VPS33B: variants seen among roughly 807,000 people sequenced by gnomAD.
VPS33B encodes the protein vacuolar protein sorting-associated protein 33B.
VPS33B carries 80 observed loss-of-function variants against 95.3 expected under a neutral mutation model. The observed-to-expected ratio is 0.84, with a 90% CI of 0.70 to 1.01. The LOEUF is 1.01. Ranked by LOEUF, VPS33B falls within the 50% of genes least tolerant of loss-of-function variation. VPS33B has a pLI of 0.00. For synonymous variants in VPS33B, 280 were observed against 280.4 expected (o/e 1.00, Z 0.01); for missense variants, 715 against 773.4 (o/e 0.92, Z 0.90).
intron 16 of VPS33B, among the ~76,000 whole-genome samples, chr15:91,003,952 A>G (rs1438666091): frequency 6.6e-6 from 1 of 152,186 alleles, no homozygotes; most frequent in Non-Finnish European, 1.5e-5. Context: ...GGCCGGGCAC[A>G]GTAGCTCACT....
Position 91,007,489 on chromosome 15 carries a change from C to T in VPS33B, c.583G>A (p.Gly195Arg). The change falls in exon 8 of 23, where the codon GGA (glycine) becomes AGA (arginine). Residue 195 changes from glycine to arginine, a missense_variant. Physicochemically the swap from Gly to Arg is moderately radical, Grantham distance 125. Transcript: ENST00000333371. This position sits in a 1 kb window ranked among gnomAD's most constrained non-coding sequence, Gnocchi z 5.3. ...TLYGPFPNCY[G>R]IGRCAKMAYE... is the part of the protein sequence containing the mutation. ...CTTACCTTGGCGCACCTGCCAATTCCATAGCAGTTTGGAAAGGGTCCATAG... is the reference window on the plus strand; with the variant it reads ...CTTACCTTGGCGCACCTGCCAATTCTATAGCAGTTTGGAAAGGGTCCATAG... 4 of 1,614,212 alleles carry T rather than the reference C, an allele frequency of 2.5e-6. No homozygotes were observed. Among genetic ancestry groups the T allele is most frequent in the Non-Finnish European group, 3.4e-6 (4 of 1,180,040 alleles).
chr15:91,000,050 A>G lies in VPS33B; in HGVS notation c.1582-75T>C. The G allele has an allele frequency of 4.4e-6, 7 of 1,575,464 alleles. No homozygotes were observed. In the East Asian group the frequency reaches 1.6e-4, roughly 36 times the overall value. On this transcript the variant is annotated intron_variant, in intron 20 of 22. Transcript: ENST00000333371. This position sits in a 1 kb window ranked among gnomAD's most constrained non-coding sequence, Gnocchi z 4.9. ...AGGAAAGGAAGGGCACAGCAGCCAGACTGTCACATTTCTTGCTCATTACTC... is the reference window on the plus strand; with the variant it reads ...AGGAAAGGAAGGGCACAGCAGCCAGGCTGTCACATTTCTTGCTCATTACTC...
intron 5 of VPS33B, among the ~76,000 whole-genome samples, chr15:91,012,367 C>T (rs1293866938): frequency 6.6e-6 from 1 of 152,146 alleles, no homozygotes; most frequent in African/African-American, 2.4e-5. Flanking sequence ...TTTCTTATTT[C>T]AACAGAGACT....
chr15:91,020,806 G>A (rs999856115), intron 1 of VPS33B, among the ~76,000 whole-genome samples: 2 of 152,150 alleles, frequency 1.3e-5, no homozygotes, highest in African/African-American at 4.8e-5. Context: ...GCCTGAACCC[G>A]GGAGGTGGAG....
chr15:91,002,799 T>G lies in VPS33B; in HGVS notation c.1272+286A>C, dbSNP rs1048313302. Among the ~76,000 whole-genome samples, 1 of 151,964 alleles carries G rather than the reference T, an allele frequency of 6.6e-6. No individual in the cohort carries two copies. The highest frequency in any genetic ancestry group is 6.6e-5 in the Admixed American group (1 of 15,238). ...GCTGAATCAATGCCTCACACGGTGC[T>G]AAAATGAGGGAGACTCCCAGGAGAA... On this transcript the variant is annotated intron_variant, in intron 17 of 22. Transcript: ENST00000333371. This position sits in a 1 kb window ranked among gnomAD's most constrained non-coding sequence, Gnocchi z 4.7.
chr15:91,022,313 C>G lies in VPS33B; in HGVS notation c.-64G>C. 1 of 1,477,090 alleles carries G rather than the reference C, an allele frequency of 6.8e-7. No individual in the cohort carries two copies. The highest frequency in any genetic ancestry group is 9.1e-7 in the Non-Finnish European group (1 of 1,100,440). The allele number at this position is 1,477,090 out of a possible 1,614,324, so 91.5% of individuals were successfully genotyped here. On this transcript the variant is annotated 5_prime_UTR_variant, in exon 1 of 23. Coordinates refer to ENST00000333371, the MANE Select transcript of VPS33B (RefSeq NM_018668.5). ...TTCGTTCTGAGAAGGCCGGCCGCAG[C>G]CCAGGGAAGCGCAAGGGGGGCTATC...
At chr15:91,017,367 A>AAT (rs1159663715) in intron 2 of VPS33B, among the ~76,000 whole-genome samples, 266 of 15,742 alleles carry the variant, frequency 0.017, 6 homozygotes, top group Non-Finnish European at 0.026. Flanking sequence ...TACAAAATTA[A>AAT]ATATATATAT....
In VPS33B at chr15:91,014,408, T is replaced by C. The variant is rs1430792049; in HGVS notation, c.265A>G (p.Ile89Val). ...CTGGCAATGTATCGCATATTCTTGA[T>C]GCGGGGTCTGACCAAGAAGCACAAT... ...EQLCFLVRPR[I>V]KNMRYIASLV... Residue 89 changes from isoleucine (I) to valine (V), a missense_variant, in exon 4 of 23, where the codon ATC becomes GTC. Ile to Val is a conservative substitution (Grantham distance 29). Transcript: ENST00000333371. 1 of 1,613,766 alleles carries C rather than the reference T, an allele frequency of 6.2e-7. No individual in the cohort carries two copies. The highest frequency in any genetic ancestry group is 1.3e-5 in the African/African-American group (1 of 74,784).
chr15:91,003,149 A>T lies in VPS33B; in HGVS notation c.1226-18T>A. 1 of 1,614,136 alleles carries T rather than the reference A, an allele frequency of 6.2e-7. No homozygotes were observed. The highest frequency in any genetic ancestry group is 8.5e-7 in the Non-Finnish European group (1 of 1,179,970). ...GATCAAACCTAAGAGTGAAGAAAAT[A>T]AGACAGGTGCATGAGAAAGAGGCCG... On this transcript the variant is annotated intron_variant, in intron 16 of 22. Transcript: ENST00000333371.
At chr15:91,019,136 T>C (rs1397032971) in intron 1 of VPS33B, among the ~76,000 whole-genome samples, 1 of 90,782 alleles carries the variant, frequency 1.1e-5, no homozygotes, top group Admixed American at 1.3e-4. Flanking sequence ...TTTTTTTTTT[T>C]TTTAAAGATA....
chr15:91,005,881 A>G lies in VPS33B; in HGVS notation c.939+92T>C. ...ATCCATCCATGAGAAAGGACAGGGA[A>G]CCTGTCATAGTATTAGAAGGGGAGC... On this transcript the variant is annotated intron_variant, in intron 12 of 22. Coordinates refer to ENST00000333371, the MANE Select transcript of VPS33B (RefSeq NM_018668.5). The surrounding 1 kb of genome is among the most constrained non-coding windows in gnomAD (Gnocchi z 6.4). The G allele has an allele frequency of 1.9e-6, 3 of 1,597,890 alleles. No individual in the cohort carries two copies. Among genetic ancestry groups the G allele is most frequent in the East Asian group, 4.5e-5 (2 of 44,770 alleles).
chr15:91,007,836 C>G lies in VPS33B; in HGVS notation c.498+34G>C, dbSNP rs752391123. 3.8e-6 allele frequency: 6 copies of G among 1,598,618 alleles called. No homozygotes were observed. Among genetic ancestry groups the G allele is most frequent in the Non-Finnish European group, 5.1e-6 (6 of 1,166,088 alleles). On this transcript the variant is annotated intron_variant, in intron 7 of 22. Coordinates refer to ENST00000333371, the MANE Select transcript of VPS33B (RefSeq NM_018668.5). The surrounding 1 kb of genome is among the most constrained non-coding windows in gnomAD (Gnocchi z 5.3). ...CTGCATCCCACATTTGTCCCCATCC[C>G]CTGATGCCAAGACACAAGGGCCTCT...
chr15:91,000,593 T>C lies in VPS33B; in HGVS notation c.1480-2A>G. On this transcript the variant is annotated splice_acceptor_variant, in intron 19 of 22. Transcript: ENST00000333371. LOFTEE classifies it high-confidence loss of function. The surrounding 1 kb of genome is among the most constrained non-coding windows in gnomAD (Gnocchi z 4.9). ...ATACTCGCCGTCCACACGTGGGATC[T>C]GTAAGACAAAGGGACTTCATTAGGC... 6.2e-7 allele frequency: 1 copy of C among 1,611,918 alleles called. No homozygotes were observed. Among genetic ancestry groups the C allele is most frequent in the South Asian group, 1.1e-5 (1 of 91,056 alleles).
rs765330198 is a variant in VPS33B, at chr15:91,000,476, T to C, written c.1581+14A>G. The C allele has an allele frequency of 6.9e-6, 11 of 1,603,500 alleles. No homozygotes were observed. The highest frequency in any genetic ancestry group is 8.5e-6 in the Non-Finnish European group (10 of 1,171,782). ...AATGAAATATGAATGGGAGCAAGAA[T>C]TACATGCTCTCACCTGCTCAATGAT... is the stretch of plus-strand genomic sequence containing the variant. On this transcript the variant is annotated intron_variant, in intron 20 of 22. Transcript: ENST00000333371. This position sits in a 1 kb window ranked among gnomAD's most constrained non-coding sequence, Gnocchi z 4.9.
In VPS33B at chr15:91,005,866, G is replaced by A. The variant is rs2040587885; in HGVS notation, c.940-82C>T. 15 of 1,607,432 alleles carry A rather than the reference G, an allele frequency of 9.3e-6. No individual in the cohort carries two copies. The East Asian group carries it at 3.3e-4, about 36-fold the overall frequency. Reference sequence around the variant, plus strand: ...CCTCCCTCAGTTGCCATCCATCCATGAGAAAGGACAGGGAACCTGTCATAG... The same window carrying A: ...CCTCCCTCAGTTGCCATCCATCCATAAGAAAGGACAGGGAACCTGTCATAG... On this transcript the variant is annotated intron_variant, in intron 12 of 22. Transcript: ENST00000333371. The surrounding 1 kb of genome is among the most constrained non-coding windows in gnomAD (Gnocchi z 6.4).
Position 91,011,530 on chromosome 15 carries a change from CAAAGA to C in VPS33B, c.358-1689_358-1685del, listed in dbSNP as rs1364974931. ...ATCTTCATAATTAACAAAGGAGTCTCAAAGAAGAGAGAGAGATGCCTCCTAATATA... is the reference window on the plus strand; with the variant it reads ...ATCTTCATAATTAACAAAGGAGTCTCAGAGAGAGAGATGCCTCCTAATATA... On this transcript the variant is annotated intron_variant, in intron 5 of 22. Transcript: ENST00000333371. This position sits in a 1 kb window ranked among gnomAD's most constrained non-coding sequence, Gnocchi z 5.5. Among the ~76,000 whole-genome samples the C allele has an allele frequency of 6.6e-6, 1 of 152,116 alleles. No homozygotes were observed. Among genetic ancestry groups the C allele is most frequent in the Non-Finnish European group, 1.5e-5 (1 of 68,028 alleles).
chr15:91,012,810 T>G (rs1349158447), intron 5 of VPS33B, among the ~76,000 whole-genome samples: 1 of 152,180 alleles, frequency 6.6e-6, no homozygotes, highest in African/African-American at 2.4e-5. Context: ...CCTCCAAATA[T>G]GTACTGCAAT....
In VPS33B at chr15:91,007,133, A is replaced by G; in HGVS notation, c.604-87T>C. 7.1e-7 allele frequency: 1 copy of G among 1,403,212 alleles called. No homozygotes were observed. Among genetic ancestry groups the G allele is most frequent in the African/African-American group, 1.4e-5 (1 of 70,768 alleles). The allele number at this position is 1,403,212 out of a possible 1,614,324, so 86.9% of individuals were successfully genotyped here. ...CAGAAGTCAGCCCTTTCCACGTGATACTTCCTCTTGTCCCCGAGACAGGAG... is the reference window on the plus strand; with the variant it reads ...CAGAAGTCAGCCCTTTCCACGTGATGCTTCCTCTTGTCCCCGAGACAGGAG... On this transcript the variant is annotated intron_variant, in intron 8 of 22. Coordinates refer to ENST00000333371, the MANE Select transcript of VPS33B (RefSeq NM_018668.5). The surrounding 1 kb of genome is among the most constrained non-coding windows in gnomAD (Gnocchi z 5.3).
At chr15:91,001,311 A>C (rs1379694763) in intron 19 of VPS33B, 78 bp downstream of exon 19, 1 of 510,060 alleles carries the variant, frequency 2.0e-6, no homozygotes, top group Non-Finnish European at 2.8e-6. Flanking sequence ...TTCCATCTCA[A>C]AAAAAAAAAA....
Sources: allele counts gnomAD v4.1 joint callset (sites outside exome capture counted in the v4.1 genomes callset), GRCh38; gene constraint gnomAD v4.1.1; non-coding constraint Gnocchi (gnomAD v3.1); transcripts MANE v1.5; gene names NCBI Gene and HGNC (gene_info 2026-07-23, HGNC 2026-07-21).